The following SLF2 variants were observed in gnomAD, a reference collection of about 807,000 sequenced individuals.
SLF2 encodes the protein SMC5/6 complex localization factor 2.
SLF2 carries 68 observed loss-of-function variants against 124.3 expected under a neutral mutation model. The observed-to-expected ratio is 0.55, with a 90% CI of 0.45 to 0.67. SLF2 has a LOEUF of 0.67. Among genes scored for constraint, SLF2 ranks in the 30% least tolerant of loss-of-function variants. The pLI is 0.00. For synonymous variants in SLF2, 480 were observed against 478.8 expected, an observed-to-expected ratio of 1.00 and a Z score of -0.03; for missense variants, 1,246 against 1,373.7, an observed-to-expected ratio of 0.91 and a Z score of 1.47.
intron 6 of SLF2, among the ~76,000 whole-genome samples, chr10:100,927,397 A>C (rs1018668772): frequency 1.3e-5 from 2 of 152,224 alleles, no homozygotes; most frequent in Non-Finnish European, 2.9e-5. Context: ...TTCAGAGTTC[A>C]TTCATATAGT....
rs572308980 is a variant in SLF2 at position 100,926,493 on chromosome 10, A to G, written c.2042+474A>G. 8 of 401,228 alleles carry G rather than the reference A, an allele frequency of 2.0e-5. No individual in the cohort carries two copies. The East Asian group carries it at 2.2e-4, about 11-fold the overall frequency. The allele number at this position is 401,228 out of a possible 1,614,324, so 24.9% of individuals were successfully genotyped here. On this transcript the variant is annotated intron_variant, in intron 6 of 19. Transcript: ENST00000238961. ...GTGCCACATACCTATGGTCCCAGCT[A>G]CTCAACAGGCTGAGGTTGGGAGGAT...
intron 9 of SLF2, among the ~76,000 whole-genome samples, chr10:100,936,100 A>T (rs1369305373): frequency 6.6e-6 from 1 of 151,578 alleles, no homozygotes; most frequent in Non-Finnish European, 1.5e-5. Flanking sequence ...GGCTCAAATG[A>T]TCCTCCCACT....
At chr10:100,938,865 T>C (rs1849915212) in intron 11 of SLF2, 129 bp downstream of exon 11, 1 of 821,748 alleles carries the variant, frequency 1.2e-6, no homozygotes, top group Admixed American at 3.3e-5. Flanking sequence ...AATCTTGAAT[T>C]AGATACATTT....
At chr10:100,940,208 AG>A (rs1849940184) in intron 11 of SLF2, among the ~76,000 whole-genome samples, 1 of 152,244 alleles carries the variant, frequency 6.6e-6, no homozygotes, top group Non-Finnish European at 1.5e-5. Flanking sequence ...CATGTACAGT[AG>A]TGGAAATAAA....
At chr10:100,928,221 G>T (rs574392575) in intron 6 of SLF2, among the ~76,000 whole-genome samples, 1 of 152,142 alleles carries the variant, frequency 6.6e-6, no homozygotes. Context: ...CTTGAACCTA[G>T]CCTGGAGAAC....
chr10:100,916,367 A>G (rs1849413793), intron 2 of SLF2, among the ~76,000 whole-genome samples: 1 of 152,190 alleles, frequency 6.6e-6, no homozygotes, highest in African/African-American at 2.4e-5. Flanking sequence ...GCTTTATGAA[A>G]CTAAGGCTTT....
At chr10:100,947,224 C>A in intron 14 of SLF2, 88 bp downstream of exon 14, 1 of 738,384 alleles carries the variant, frequency 1.4e-6, no homozygotes, top group Non-Finnish European at 2.1e-6. Context: ...ATTCATCATT[C>A]TTTGAATGTT....
chr10:100,945,410 A>G lies in SLF2; in HGVS notation c.2838A>G (p.Lys946=), dbSNP rs1488416962. The G allele has an allele frequency of 6.2e-7, 1 of 1,603,580 alleles. No individual in the cohort carries two copies. The highest frequency in any genetic ancestry group is 2.3e-5 in the East Asian group (1 of 44,364). ...EIMLLILMLF[K]MSLEKQLKQI... is the part of the protein sequence containing the mutation. ...TGTTGCTGATTTTAATGTTATTTAA[A>G]ATGAGTTTGGAAAAACAGCTGAAAC... The change falls in exon 13 of 20, where the codon AAA becomes AAG. Residue 946 remains lysine (K), a synonymous_variant. Coordinates refer to ENST00000238961, the MANE Select transcript of SLF2 (RefSeq NM_018121.4).
chr10:100,945,353 A>G lies in SLF2; in HGVS notation c.2781A>G (p.Ile927Met). ...AGTTTCTAGGCTTGTGTACATCTAT[A>G]CATCCAGAAGGTTACCAGGATCGTG... ...VVKFLGLCTS[I>M]HPEGYQDREI... The change falls in exon 13 of 20, where the codon ATA (isoleucine) becomes ATG (methionine). Residue 927 changes from isoleucine to methionine, a missense_variant. Physicochemically the swap from Ile to Met is conservative, Grantham distance 10 (BLOSUM62 1). Around this residue, in one of 3 missense-constraint regions of SLF2, gnomAD observed 535 missense variants for 632.8 expected, o/e 0.85. Transcript: ENST00000238961. 1 of 1,594,366 alleles carries G rather than the reference A, an allele frequency of 6.3e-7. No individual in the cohort carries two copies. The highest frequency in any genetic ancestry group is 8.5e-7 in the Non-Finnish European group (1 of 1,175,364).
At chr10:100,926,411 C>T in intron 6 of SLF2, 2 of 819,050 alleles carry the variant, frequency 2.4e-6, no homozygotes, top group Non-Finnish European at 3.6e-6. Flanking sequence ...TGAGACTAGC[C>T]TGGGCAACAT....
At chr10:100,941,582 T>G (rs549350840) in intron 11 of SLF2, among the ~76,000 whole-genome samples, 124 of 152,334 alleles carry the variant, frequency 8.1e-4, no homozygotes, top group Non-Finnish European at 1.4e-3. Context: ...AGGAACTCGC[T>G]CTCTACTATT....
At chr10:100,934,403 C>T (rs888847274) in intron 9 of SLF2, among the ~76,000 whole-genome samples, 73 of 152,200 alleles carry the variant, frequency 4.8e-4, no homozygotes, top group African/African-American at 1.5e-3. Context: ...TTTCACCCAC[C>T]GCAAAAAGAT....
chr10:100,918,887 T>C (rs1849472937), intron 4 of SLF2, among the ~76,000 whole-genome samples: 1 of 151,848 alleles, frequency 6.6e-6, no homozygotes, highest in Admixed American at 6.6e-5. Flanking sequence ...CTAGTGCATA[T>C]AATTTGTAAT....
chr10:100,923,083 T>C (rs78278920), intron 4 of SLF2, among the ~76,000 whole-genome samples: 1 of 152,176 alleles, frequency 6.6e-6, no homozygotes, highest in African/African-American at 2.4e-5. Flanking sequence ...GCCCACAATA[T>C]GAATTTTTAA....
chr10:100,917,238 C>G lies in SLF2; in HGVS notation c.853C>G (p.Pro285Ala). The change falls in exon 3 of 20, where the codon CCA becomes GCA. Residue 285 changes from proline to alanine, a missense_variant. By Grantham distance (27) the Pro-to-Ala change is conservative (BLOSUM62 -1). Around this residue, in one of 3 missense-constraint regions of SLF2, gnomAD observed 698 missense variants for 708.9 expected, o/e 0.98. Transcript: ENST00000238961. ...LKSSIERKYKPRQEQRKQNDI... is the reference protein window; with the variant it reads ...LKSSIERKYKARQEQRKQNDI... Reference sequence around the variant, plus strand: ...ATCTAGTATAGAAAGAAAATATAAACCAAGGCAGGAACAAAGGAAACAGAA... The same window carrying G: ...ATCTAGTATAGAAAGAAAATATAAAGCAAGGCAGGAACAAAGGAAACAGAA... The G allele has an allele frequency of 6.2e-7, 1 of 1,613,602 alleles. No homozygotes were observed. The highest frequency in any genetic ancestry group is 8.5e-7 in the Non-Finnish European group (1 of 1,179,896).
intron 18 of SLF2, among the ~76,000 whole-genome samples, chr10:100,957,110 A>C (rs950787528): frequency 2.6e-5 from 4 of 152,238 alleles, no homozygotes; most frequent in African/African-American, 9.6e-5. Flanking sequence ...TACTTCTAGT[A>C]CTAATGATAC....
chr10:100,933,676 ATTTG>A (rs945687260), intron 9 of SLF2, among the ~76,000 whole-genome samples: 24 of 151,912 alleles, frequency 1.6e-4, no homozygotes, highest in South Asian at 4.2e-4. Context: ...TTATTTATTT[ATTTG>A]TTTGTTTGTT....
intron 11 of SLF2, chr10:100,943,741 A>C (rs1015166734): frequency 3.7e-6 from 1 of 270,662 alleles, no homozygotes; most frequent in Non-Finnish European, 6.9e-6. Flanking sequence ...AAACTGATGC[A>C]TAATGATAGA....
intron 17 of SLF2, among the ~76,000 whole-genome samples, chr10:100,955,668 G>A (rs550085421): frequency 1.8e-3 from 275 of 152,280 alleles, no homozygotes; most frequent in Middle Eastern, 3.4e-3. Context: ...AGCACTTTGG[G>A]AGGCTGAGGC....
Sources: allele counts gnomAD v4.1 joint callset (sites outside exome capture counted in the v4.1 genomes callset), GRCh38; gene constraint gnomAD v4.1.1; regional missense constraint gnomAD v4.1.1; transcripts MANE v1.5; gene names NCBI Gene and HGNC (gene_info 2026-07-23, HGNC 2026-07-21).